The following SENP6 variants were observed in gnomAD, a reference collection of about 807,000 sequenced individuals.
The protein encoded by SENP6 is sentrin-specific protease 6.
Under a neutral mutation model 134.5 loss-of-function variants are expected in SENP6, and 41 were observed. That is an observed-to-expected ratio of 0.30 (90% CI 0.24 to 0.40). The LOEUF (loss-of-function observed/expected upper bound fraction) is 0.40. Among genes scored for constraint, SENP6 ranks in the 10% least tolerant of loss-of-function variants. The pLI, the probability that SENP6 is intolerant of heterozygous loss-of-function variation, is 1.00. For missense variants in SENP6, 1,248 were observed against 1,312.5 expected, an observed-to-expected ratio of 0.95 and a Z score of 0.76; for synonymous variants, 395 against 429.8, an observed-to-expected ratio of 0.92 and a Z score of 1.00.
intron 1 of SENP6, chr6:75,611,250 A>G (rs746341676): frequency 6.6e-6 from 1 of 152,200 alleles, no homozygotes; most frequent in Non-Finnish European, 1.5e-5. Flanking sequence ...GATTCCAAAC[A>G]TTTTGGCATT....
intron 1 of SENP6, among the ~76,000 whole-genome samples, chr6:75,607,202 A>G (rs1262473802): frequency 2.0e-5 from 3 of 151,982 alleles, no homozygotes; most frequent in Non-Finnish European, 4.4e-5. Flanking sequence ...TAAAAAAATG[A>G]TATGGGAGGA....
Position 75,659,426 on chromosome 6 carries a change from CT to C in SENP6, c.696+22del. The C allele has an allele frequency of 2.5e-6, 4 of 1,578,474 alleles. No individual in the cohort carries two copies. The highest frequency in any genetic ancestry group is 3.5e-6 in the Non-Finnish European group (4 of 1,153,960). ...TTTAGAGGTAAGTAGAGAAATTATTCTTTGTTGCTAATCAGATTGTGTTTTG... is the reference window on the plus strand; with the variant it reads ...TTTAGAGGTAAGTAGAGAAATTATTCTTGTTGCTAATCAGATTGTGTTTTG... On this transcript the variant is annotated intron_variant, in intron 8 of 23. Coordinates refer to ENST00000447266, the MANE Select transcript of SENP6 (RefSeq NM_015571.4).
intron 8 of SENP6, among the ~76,000 whole-genome samples, chr6:75,661,890 A>T (rs988109014): frequency 2.0e-5 from 3 of 151,992 alleles, no homozygotes; most frequent in African/African-American, 7.3e-5. Flanking sequence ...CGTCTCTACT[A>T]AAAAAACAAA....
chr6:75,617,544 C>T (rs989606051), intron 1 of SENP6, among the ~76,000 whole-genome samples: 16 of 152,066 alleles, frequency 1.1e-4, no homozygotes, highest in African/African-American at 3.9e-4. Context: ...TCCCAAAGTG[C>T]TGGGATTACA....
chr6:75,610,542 C>G (rs1287635739), intron 1 of SENP6, among the ~76,000 whole-genome samples: 1 of 152,178 alleles, frequency 6.6e-6, no homozygotes. Flanking sequence ...TTTTTGGACC[C>G]TAATTTTTTT....
intron 8 of SENP6, 36 bp downstream of exon 8, chr6:75,659,443 T>C: frequency 6.5e-7 from 1 of 1,535,278 alleles, no homozygotes; most frequent in South Asian, 1.2e-5. Context: ...GCTAATCAGA[T>C]TGTGTTTTGA....
At chr6:75,654,932 T>G (rs1303452321) in intron 7 of SENP6, 5 of 152,248 alleles carry the variant, frequency 3.3e-5, no homozygotes, top group African/African-American at 1.2e-4. Flanking sequence ...TAGTCATCCC[T>G]TACTACGTTA....
intron 1 of SENP6, among the ~76,000 whole-genome samples, chr6:75,605,909 A>G (rs1766993963): frequency 6.6e-6 from 1 of 152,226 alleles, no homozygotes; most frequent in Non-Finnish European, 1.5e-5. Flanking sequence ...GGCTTCAATT[A>G]GCATGATGTC....
At chr6:75,676,923 T>TG in intron 13 of SENP6, 107 bp from the exon 14 acceptor site, 1 of 640,756 alleles carries the variant, frequency 1.6e-6, no homozygotes, top group Non-Finnish European at 2.7e-6. Context: ...ACCTTTATAC[T>TG]GGGATTTCTG....
chr6:75,709,528 T>C lies in SENP6; in HGVS notation c.2718T>C (p.Asp906=). The change falls in exon 20 of 24, where the codon GAT becomes GAC. Residue 906 remains aspartate, a splice_region_variant and synonymous_variant. Coordinates refer to ENST00000447266, the MANE Select transcript of SENP6 (RefSeq NM_015571.4). ...NESLSSTHHT[D]GLSKIRLNYS... ...ATGTAATGTTTCTTATTGATACAGA[T>C]GGCTTAAGCAAAATCAGACTAAACT... is the stretch of plus-strand genomic sequence containing the variant. 1.2e-6 allele frequency: 2 copies of C among 1,611,436 alleles called. No individual in the cohort carries two copies. Among genetic ancestry groups the C allele is most frequent in the Non-Finnish European group, 1.7e-6 (2 of 1,177,712 alleles).
chr6:75,625,435 G>C (rs1768608311), intron 3 of SENP6, among the ~76,000 whole-genome samples: 2 of 152,012 alleles, frequency 1.3e-5, no homozygotes, highest in Non-Finnish European at 2.9e-5. Flanking sequence ...TTTTAACTCA[G>C]TTTTTTCACT....
At chr6:75,641,894 C>A (rs902116767) in intron 6 of SENP6, among the ~76,000 whole-genome samples, 1 of 151,894 alleles carries the variant, frequency 6.6e-6, no homozygotes, top group African/African-American at 2.4e-5. Context: ...TAATTTCCAA[C>A]CAAACTGTTG....
At chr6:75,694,988 C>T (rs1774554949) in intron 16 of SENP6, among the ~76,000 whole-genome samples, 1 of 152,024 alleles carries the variant, frequency 6.6e-6, no homozygotes, top group Non-Finnish European at 1.5e-5. Flanking sequence ...GATTCTCCCA[C>T]CTCAGCCTCC....
chr6:75,649,500 T>C (rs1039217617), intron 7 of SENP6, among the ~76,000 whole-genome samples: 1 of 152,138 alleles, frequency 6.6e-6, no homozygotes, highest in African/African-American at 2.4e-5. Context: ...TCTTTTAACT[T>C]GGGTTTTGTT....
intron 23 of SENP6, among the ~76,000 whole-genome samples, chr6:75,714,065 C>T (rs1178473331): frequency 1.3e-5 from 2 of 152,136 alleles, no homozygotes; most frequent in African/African-American, 2.4e-5. Context: ...AATCAACCTG[C>T]CCTCTCTACT....
chr6:75,616,617 G>C (rs754902774), intron 1 of SENP6, among the ~76,000 whole-genome samples: 2 of 151,734 alleles, frequency 1.3e-5, no homozygotes, highest in Non-Finnish European at 1.5e-5. Context: ...GTGGTAGCAT[G>C]CGCCTGTAAT....
chr6:75,666,132 T>C (rs1772198587), intron 9 of SENP6, among the ~76,000 whole-genome samples: 1 of 128,528 alleles, frequency 7.8e-6, no homozygotes. Flanking sequence ...ATATAAAACG[T>C]ATATATGATA....
At position 75,713,795 on chromosome 6, in the gene SENP6, T is replaced by C. The variant is rs1439916918; in HGVS notation, c.3099T>C (p.Tyr1033=). ...ACAACTTCAGTGACTGTGGTGTATA[T>C]GTATTGCAGTATGTAGAGAGCTTTT... ...QQNNFSDCGV[Y]VLQYVESFFE... is the part of the protein sequence containing the mutation. Residue 1033 remains tyrosine, a synonymous_variant, in exon 23 of 24, where the codon TAT becomes TAC. Transcript: ENST00000447266. 4.3e-6 allele frequency: 7 copies of C among 1,612,006 alleles called. No individual in the cohort carries two copies. In the South Asian group the frequency reaches 4.4e-5, roughly 10 times the overall value.
intron 7 of SENP6, among the ~76,000 whole-genome samples, chr6:75,655,727 C>T (rs914484302): frequency 4.6e-5 from 7 of 152,076 alleles, no homozygotes; most frequent in Admixed American, 4.6e-4. Context: ...ATAAACAACA[C>T]CTGGGTTGTT....
Sources: allele counts gnomAD v4.1 joint callset (sites outside exome capture counted in the v4.1 genomes callset), GRCh38; gene constraint gnomAD v4.1.1; transcripts MANE v1.5; gene names NCBI Gene and HGNC (gene_info 2026-07-23, HGNC 2026-07-21).